The following LIPA variants were observed in gnomAD, a reference collection of about 807,000 sequenced individuals.
LIPA encodes the protein lipase A, lysosomal acid type.
A neutral mutation model predicts 40.6 loss-of-function variants in LIPA; 26 were observed. That is an observed-to-expected ratio of 0.64 (90% CI 0.47 to 0.89). The LOEUF (loss-of-function observed/expected upper bound fraction) is 0.89, where lower values mean the gene tolerates loss of function less well. LIPA is among the 40% of genes least tolerant of loss of function. The probability of loss-of-function intolerance (pLI) is 0.00; values close to 1 mark genes in which losing one functional copy is unlikely to be tolerated. For synonymous variants in LIPA, 188 were observed against 168.4 expected, an observed-to-expected ratio of 1.12 and a Z score of -0.90; for missense variants, 455 against 479.6, an observed-to-expected ratio of 0.95 and a Z score of 0.48.
intron 1 of LIPA, among the ~76,000 whole-genome samples, chr10:89,287,182 G>A (rs1228807302): frequency 2.0e-5 from 3 of 152,154 alleles, no homozygotes; most frequent in Non-Finnish European, 2.9e-5. Context: ...GACACTGCCC[G>A]ATCACCTGAG....
chr10:89,368,895 A>G (rs1204800691), intron 2 of LIPA, among the ~76,000 whole-genome samples: 1 of 144,486 alleles, frequency 6.9e-6, no homozygotes, highest in East Asian at 2.1e-4. Flanking sequence ...ACACACACAA[A>G]CTCACACACT....
chr10:89,387,007 G>A (rs1844215205), intron 2 of LIPA, among the ~76,000 whole-genome samples: 1 of 151,608 alleles, frequency 6.6e-6, no homozygotes, highest in Non-Finnish European at 1.5e-5. Flanking sequence ...GTTTGGATAA[G>A]CACCAAGTAA....
chr10:89,401,944 T>C (rs1844431504), intron 2 of LIPA, among the ~76,000 whole-genome samples: 1 of 152,194 alleles, frequency 6.6e-6, no homozygotes. Context: ...AATAAGAAAC[T>C]CTTATATAGC....
At chr10:89,304,443 A>C (rs953268571) in intron 1 of LIPA, among the ~76,000 whole-genome samples, 1 of 152,204 alleles carries the variant, frequency 6.6e-6, no homozygotes. Flanking sequence ...AGAGAGGGGC[A>C]GTTAGAAAGA....
At chr10:89,277,890 C>T (rs570521871) in intron 1 of LIPA, 10 of 152,284 alleles carry the variant, frequency 6.6e-5, no homozygotes, top group Admixed American at 1.3e-4. Flanking sequence ...TTTCCTTTCT[C>T]TTGTTTTCAT....
At chr10:89,335,568 G>T (rs1343135894) in intron 1 of LIPA, 2 of 150,776 alleles carry the variant, frequency 1.3e-5, no homozygotes, top group African/African-American at 2.4e-5. Context: ...AAGAGAGAGA[G>T]ATAGTGTCAT....
chr10:89,338,932 A>G (rs769294737), intron 1 of LIPA: 1 of 1,614,210 alleles, frequency 6.2e-7, no homozygotes, highest in Non-Finnish European at 8.5e-7. Context: ...AGAAATCAGA[A>G]GTCTAGTCAC....
At chr10:89,382,351 G>A (rs1844169709) in intron 2 of LIPA, among the ~76,000 whole-genome samples, 1 of 152,092 alleles carries the variant, frequency 6.6e-6, no homozygotes, top group Admixed American at 6.5e-5. Flanking sequence ...TAGGATGTGA[G>A]GACCACTTTT....
chr10:89,405,180 A>G (rs1029072419), intron 2 of LIPA: 4 of 105,216 alleles, frequency 3.8e-5, no homozygotes, highest in African/African-American at 1.1e-4. Context: ...TTTTAATTCA[A>G]TGTGAAAGGG....
intron 2 of LIPA, among the ~76,000 whole-genome samples, chr10:89,366,048 G>C (rs1371400569): frequency 1.3e-5 from 2 of 152,136 alleles, no homozygotes; most frequent in Admixed American, 1.3e-4. Flanking sequence ...GGGCAGTATG[G>C]TCATTTTCAC....
At chr10:89,300,571 T>C (rs563967923) in intron 1 of LIPA, among the ~76,000 whole-genome samples, 3 of 152,064 alleles carry the variant, frequency 2.0e-5, no homozygotes, top group African/African-American at 7.2e-5. Flanking sequence ...AGGGGGAAAA[T>C]ATTGTGGGGC....
chr10:89,361,609 T>C (rs1298436487), intron 2 of LIPA, among the ~76,000 whole-genome samples: 1 of 152,136 alleles, frequency 6.6e-6, no homozygotes, highest in African/African-American at 2.4e-5. Flanking sequence ...CTGCATTAGT[T>C]TTCCAACTAA....
upstream of LIPA, among the ~76,000 whole-genome samples, chr10:89,345,694 C>T (rs911995026): frequency 6.6e-6 from 1 of 151,936 alleles, no homozygotes; most frequent in African/African-American, 2.4e-5. Flanking sequence ...GTAATTTATA[C>T]ACAGCTGAAA....
At chr10:89,391,904 C>T (rs1032663099) in intron 2 of LIPA, among the ~76,000 whole-genome samples, 7 of 152,104 alleles carry the variant, frequency 4.6e-5, no homozygotes, top group African/African-American at 1.7e-4. Flanking sequence ...CTTCTATGTG[C>T]CAGGTAGTTG....
In LIPA at chr10:89,334,478, C is replaced by CTTTTTT. The variant is rs578154457; in HGVS notation, c.-2+8127_-2+8132dup. Among the ~76,000 whole-genome samples the CTTTTTT allele has an allele frequency of 3.1e-3, 79 of 25,328 alleles. 1 individual carries two copies. The highest frequency in any genetic ancestry group is 4.5e-3 in the Non-Finnish European group (65 of 14,414). The allele number at this position is 25,328 out of a possible 152,430, so 16.6% of individuals were successfully genotyped here. A position where few individuals can be genotyped will look rare whatever the true frequency, so the allele number is the denominator to read the frequency against. ...TGTTTTTTCTTCTTTTTCTTTTATT[C>CTTTTTT]TTTTTTTTTTTTTTTTTTTTTTTTT... On this transcript the variant is annotated intron_variant, in intron 1 of 5. Transcript: ENST00000282673.
intron 1 of LIPA, among the ~76,000 whole-genome samples, chr10:89,300,697 T>C (rs1292171392): frequency 1.3e-5 from 2 of 152,146 alleles, no homozygotes; most frequent in Admixed American, 1.3e-4. Flanking sequence ...AACATTGAAA[T>C]TTCCCCTGGC....
intron 1 of LIPA, among the ~76,000 whole-genome samples, chr10:89,318,277 G>A (rs1395739438): frequency 6.6e-6 from 1 of 152,160 alleles, no homozygotes; most frequent in Non-Finnish European, 1.5e-5. Context: ...CTGGCAAATT[G>A]GCTAAAGAGT....
chr10:89,411,202 A>G (rs1356348681), intron 2 of LIPA, among the ~76,000 whole-genome samples: 1 of 152,188 alleles, frequency 6.6e-6, no homozygotes, highest in Non-Finnish European at 1.5e-5. Flanking sequence ...CTAAATCTTA[A>G]TTAATTCCCA....
chr10:89,362,382 T>A (rs1051028481), intron 2 of LIPA: 1 of 154,696 alleles, frequency 6.5e-6, no homozygotes, highest in African/African-American at 2.4e-5. Flanking sequence ...GCCCTTGAAA[T>A]TTCTGATTTA....
Sources: gnomAD v4.1 joint callset for allele counts (sites outside exome capture counted in the v4.1 genomes callset) on GRCh38, gnomAD v4.1.1 for gene constraint, MANE v1.5 for transcripts, NCBI Gene and HGNC (gene_info 2026-07-23, HGNC 2026-07-21) for gene names.